The following DOK5 variants were observed in gnomAD, a reference collection of about 807,000 sequenced individuals.
DOK5 encodes downstream of tyrosine kinase 5.
A neutral mutation model predicts 43.3 loss-of-function variants in DOK5; 27 were observed. That is an observed-to-expected ratio of 0.62 (90% CI 0.46 to 0.86). The LOEUF (loss-of-function observed/expected upper bound fraction) is 0.86, where lower values mean the gene tolerates loss of function less well. Ranked by LOEUF, DOK5 falls within the 40% of genes least tolerant of loss-of-function variation. The pLI is 0.00. For missense variants in DOK5, 373 were observed against 392.9 expected (o/e 0.95, Z 0.43); for synonymous variants, 146 against 140.1 (o/e 1.04, Z -0.30).
intron 1 of DOK5, among the ~76,000 whole-genome samples, chr20:54,487,136 C>G (rs1981968123): frequency 6.6e-6 from 1 of 152,140 alleles, no homozygotes; most frequent in Non-Finnish European, 1.5e-5. Context: ...CCTATTAACT[C>G]TAACAGCTTT....
chr20:54,625,102 G>C (rs1453718111), intron 6 of DOK5, among the ~76,000 whole-genome samples: 1 of 152,092 alleles, frequency 6.6e-6, no homozygotes, highest in Non-Finnish European at 1.5e-5. Context: ...GATGATAGGA[G>C]TACCCATCAC....
At chr20:54,481,739 G>T (rs1022951226) in intron 1 of DOK5, among the ~76,000 whole-genome samples, 4 of 152,232 alleles carry the variant, frequency 2.6e-5, no homozygotes, top group African/African-American at 7.2e-5. Context: ...TGTGGCTTAA[G>T]AGCATAGGCT....
chr20:54,511,466 A>G (rs1168387246), intron 1 of DOK5, among the ~76,000 whole-genome samples: 1 of 152,262 alleles, frequency 6.6e-6, no homozygotes, highest in Non-Finnish European at 1.5e-5. Flanking sequence ...TAGATAGCTG[A>G]TAATTTTTTA....
intron 1 of DOK5, among the ~76,000 whole-genome samples, chr20:54,510,199 T>C (rs1428202414): frequency 6.6e-6 from 1 of 152,230 alleles, no homozygotes; most frequent in East Asian, 1.9e-4. Context: ...AACAAAGCTA[T>C]TCATTTTTCT....
chr20:54,648,654 G>C (rs897958595), intron 7 of DOK5, among the ~76,000 whole-genome samples: 2 of 152,216 alleles, frequency 1.3e-5, no homozygotes, highest in African/African-American at 4.8e-5. Flanking sequence ...GGGACATAAA[G>C]AGACAGCCGG....
intron 5 of DOK5, among the ~76,000 whole-genome samples, chr20:54,594,783 A>G (rs947825544): frequency 1.3e-5 from 2 of 152,234 alleles, no homozygotes; most frequent in Non-Finnish European, 2.9e-5. Context: ...AGTATCTCAT[A>G]TCTATTTTAA....
At chr20:54,480,158 C>T (rs1225358071) in intron 1 of DOK5, among the ~76,000 whole-genome samples, 5 of 152,110 alleles carry the variant, frequency 3.3e-5, no homozygotes, top group Admixed American at 6.6e-5. Context: ...CTGTCAGAGG[C>T]GTGTGAACCA....
Position 54,650,986 on chromosome 20 carries a change from C to G in DOK5, c.*507C>G, listed in dbSNP as rs112799548. 1.0e-3 allele frequency: 160 copies of G among 153,706 alleles called. 1 individual carries two copies. The highest frequency in any genetic ancestry group is 3.6e-3 in the African/African-American group (149 of 41,576). The allele number at this position is 153,706 out of a possible 1,614,324, so 9.5% of individuals were successfully genotyped here. On this transcript the variant is annotated 3_prime_UTR_variant, in exon 8 of 8. Transcript: ENST00000262593. ...ATATCACCAATTAGTTAAATCAGTG[C>G]TTCGACTCACTCTTATCTGTTCTGT... is the stretch of plus-strand genomic sequence containing the variant.
At chr20:54,561,142 G>C (rs1984891267) in intron 2 of DOK5, among the ~76,000 whole-genome samples, 1 of 152,124 alleles carries the variant, frequency 6.6e-6, no homozygotes, top group African/African-American at 2.4e-5. Context: ...CAAAGTCTCT[G>C]CTCTGTCTTC....
chr20:54,606,417 C>T (rs551872429), intron 5 of DOK5, among the ~76,000 whole-genome samples: 99 of 152,204 alleles, frequency 6.5e-4, no homozygotes, highest in African/African-American at 2.4e-3. Flanking sequence ...GAATCGGGAG[C>T]AACAGAAGTT....
chr20:54,564,904 C>T (rs143363603), intron 2 of DOK5, among the ~76,000 whole-genome samples: 189 of 152,312 alleles, frequency 1.2e-3, no homozygotes, highest in African/African-American at 4.1e-3. Flanking sequence ...CACATTTCTC[C>T]GACTTGCCAT....
At chr20:54,592,710 T>G (rs1453707690) in intron 5 of DOK5, among the ~76,000 whole-genome samples, 1 of 151,896 alleles carries the variant, frequency 6.6e-6, no homozygotes, top group Non-Finnish European at 1.5e-5. Context: ...CTCGCTAATT[T>G]TTTTGTATTT....
At chr20:54,557,746 G>A (rs538321832) in intron 2 of DOK5, among the ~76,000 whole-genome samples, 9 of 152,204 alleles carry the variant, frequency 5.9e-5, no homozygotes, top group Non-Finnish European at 8.8e-5. Context: ...TGTTCAGTGC[G>A]TTGCTCAAAT....
chr20:54,572,045 T>G (rs960596021), intron 2 of DOK5, among the ~76,000 whole-genome samples: 6 of 152,036 alleles, frequency 3.9e-5, no homozygotes, highest in Admixed American at 3.9e-4. Flanking sequence ...CTCTCTGACC[T>G]TTTTCTCTAT....
In DOK5 at chr20:54,588,822, T is replaced by C; in HGVS notation, c.409+16T>C. ...GAACAGAGTGGTATGTAAAGAAAAT[T>C]CTCTCCTCTCTCTTTCAAAACTGCT... On this transcript the variant is annotated intron_variant, in intron 4 of 7. Transcript: ENST00000262593. 6.2e-7 allele frequency: 1 copy of C among 1,611,198 alleles called. No individual in the cohort carries two copies. The highest frequency in any genetic ancestry group is 8.5e-7 in the Non-Finnish European group (1 of 1,178,238).
chr20:54,612,792 A>G (rs1350749617), intron 6 of DOK5, among the ~76,000 whole-genome samples: 1 of 152,232 alleles, frequency 6.6e-6, no homozygotes, highest in Non-Finnish European at 1.5e-5. Context: ...GATAAATTTC[A>G]GTGCCATCAT....
intron 6 of DOK5, among the ~76,000 whole-genome samples, chr20:54,631,018 G>A (rs1978539313): frequency 1.3e-5 from 2 of 152,072 alleles, no homozygotes; most frequent in South Asian, 4.2e-4. Context: ...AGTGGTTAGG[G>A]AAATGAACAA....
chr20:54,589,838 C>T (rs1453727366), intron 4 of DOK5, among the ~76,000 whole-genome samples: 8 of 152,140 alleles, frequency 5.3e-5, no homozygotes, highest in Admixed American at 4.6e-4. Context: ...TAACCCATCT[C>T]CATGGAAATG....
intron 4 of DOK5, among the ~76,000 whole-genome samples, chr20:54,590,995 T>C (rs1985960213): frequency 6.6e-6 from 1 of 152,244 alleles, no homozygotes; most frequent in African/African-American, 2.4e-5. Flanking sequence ...CATCCAAATA[T>C]GCAATGAATA....
Sources: gnomAD v4.1 joint callset for allele counts (sites outside exome capture counted in the v4.1 genomes callset) on GRCh38, gnomAD v4.1.1 for gene constraint, MANE v1.5 for transcripts, NCBI Gene and HGNC (gene_info 2026-07-23, HGNC 2026-07-21) for gene names.